Variants in ERBB4 observed in about 807,000 individuals in gnomAD.
ERBB4 encodes erb-b2 receptor tyrosine kinase 4, also known as receptor tyrosine-protein kinase erbB-4.
In ERBB4, 42 loss-of-function variants were observed where a neutral mutation model predicts 158.0. The ratio of observed to expected loss-of-function variants is 0.27; its 90% CI spans 0.21 to 0.34. The LOEUF (loss-of-function observed/expected upper bound fraction) is 0.34. Among genes scored for constraint, ERBB4 ranks in the 10% least tolerant of loss-of-function variants. The pLI, the probability that ERBB4 is intolerant of heterozygous loss-of-function variation, is 1.00. For synonymous variants in ERBB4, 583 were observed against 558.7 expected (o/e 1.04, Z -0.61); for missense variants, 1,333 against 1,624.1 (o/e 0.82, Z 3.08).
At chr2:211,524,931 C>T (rs1159788374) in intron 20 of ERBB4, among the ~76,000 whole-genome samples, 1 of 152,180 alleles carries the variant, frequency 6.6e-6, no homozygotes, top group Non-Finnish European at 1.5e-5. Flanking sequence ...CAGCACGCTG[C>T]CACCTCTGAA....
chr2:212,205,191 T>C (rs180829653), intron 1 of ERBB4, among the ~76,000 whole-genome samples: 4 of 152,104 alleles, frequency 2.6e-5, no homozygotes, highest in African/African-American at 4.8e-5. Flanking sequence ...GACAGAGTCC[T>C]GCTTTGCCAC....
At chr2:211,937,503 G>A (rs2080359062) in intron 3 of ERBB4, among the ~76,000 whole-genome samples, 2 of 152,122 alleles carry the variant, frequency 1.3e-5, no homozygotes, top group East Asian at 3.9e-4. Flanking sequence ...TCACATTGCT[G>A]CGAAGATACC....
intron 1 of ERBB4, among the ~76,000 whole-genome samples, chr2:212,525,585 T>C (rs915217545): frequency 2.0e-5 from 3 of 152,102 alleles, no homozygotes; most frequent in African/African-American, 7.2e-5. Flanking sequence ...TTCCCCAATA[T>C]AGATATTATT....
intron 1 of ERBB4, among the ~76,000 whole-genome samples, chr2:212,154,368 G>A (rs2080968976): frequency 6.6e-6 from 1 of 152,106 alleles, no homozygotes; most frequent in African/African-American, 2.4e-5. Context: ...GGAAGCTGGG[G>A]ATTTTATCTA....
intron 12 of ERBB4, among the ~76,000 whole-genome samples, chr2:211,694,047 T>C (rs754316151): frequency 2.6e-5 from 4 of 152,168 alleles, no homozygotes; most frequent in Non-Finnish European, 4.4e-5. Flanking sequence ...GTAAGTACAC[T>C]AGTCATTTGA....
intron 1 of ERBB4, among the ~76,000 whole-genome samples, chr2:212,274,416 T>C (rs1000258674): frequency 6.6e-6 from 1 of 151,804 alleles, no homozygotes; most frequent in Non-Finnish European, 1.5e-5. Context: ...ATCCACAATT[T>C]ATTGGGAGAT....
intron 1 of ERBB4, among the ~76,000 whole-genome samples, chr2:212,288,014 T>C (rs62182625): frequency 0.28 from 42,805 of 152,000 alleles, 7,548 homozygotes; most frequent in Non-Finnish European, 0.39. Context: ...TACAAAAGTT[T>C]ACCTGTGTAA....
At chr2:211,969,334 G>A (rs2081389588) in intron 2 of ERBB4, among the ~76,000 whole-genome samples, 1 of 151,914 alleles carries the variant, frequency 6.6e-6, no homozygotes, top group South Asian at 2.1e-4. Flanking sequence ...TCTCTTTGCT[G>A]AAAAAACGTT....
Position 212,113,122 on chromosome 2 carries a change from G to A in ERBB4, c.234+11630C>T, listed in dbSNP as rs552180263. ...AAGGGTGGGGATGAAAATACAGATCGAATTTGGGGGAGCATGTTAAGGTTA... is the reference window on the plus strand; with the variant it reads ...AAGGGTGGGGATGAAAATACAGATCAAATTTGGGGGAGCATGTTAAGGTTA... On this transcript the variant is annotated intron_variant, in intron 2 of 27. Coordinates refer to ENST00000342788, the MANE Select transcript of ERBB4 (RefSeq NM_005235.3). Among the ~76,000 whole-genome samples the A allele has an allele frequency of 1.1e-4, 17 of 152,176 alleles. No individual in the cohort carries two copies. In the South Asian group the frequency reaches 1.5e-3, roughly 13 times the overall value.
intron 2 of ERBB4, among the ~76,000 whole-genome samples, chr2:212,045,813 T>TA (rs757407912): frequency 9.9e-5 from 15 of 152,212 alleles, no homozygotes; most frequent in Non-Finnish European, 2.1e-4. Flanking sequence ...AATCAGCTCT[T>TA]AACTTCAAAA....
At chr2:211,633,538 A>G (rs958919570) in intron 16 of ERBB4, among the ~76,000 whole-genome samples, 3 of 126,328 alleles carry the variant, frequency 2.4e-5, no homozygotes, top group African/African-American at 8.4e-5. Context: ...TGACATTTAA[A>G]CAAGAACACA....
intron 20 of ERBB4, among the ~76,000 whole-genome samples, chr2:211,462,776 C>T (rs1339387800): frequency 1.3e-5 from 2 of 152,102 alleles, no homozygotes; most frequent in Non-Finnish European, 2.9e-5. Flanking sequence ...ATTGTCAGCT[C>T]TCTACATGTT....
intron 1 of ERBB4, among the ~76,000 whole-genome samples, chr2:212,191,377 A>T (rs1347514930): frequency 4.0e-5 from 6 of 150,530 alleles, no homozygotes; most frequent in South Asian, 2.1e-4. Flanking sequence ...TGTTACTTTT[A>T]AAAAAATGTA....
chr2:211,670,146 A>C (rs186366213), intron 14 of ERBB4, among the ~76,000 whole-genome samples: 47 of 152,310 alleles, frequency 3.1e-4, no homozygotes, highest in African/African-American at 1.1e-3. Flanking sequence ...GATATCTTAA[A>C]TGATAGATGA....
intron 1 of ERBB4, among the ~76,000 whole-genome samples, chr2:212,243,748 G>C (rs960745852): frequency 1.7e-4 from 26 of 151,966 alleles, no homozygotes; most frequent in African/African-American, 6.3e-4. Context: ...AATTACATAA[G>C]ATATCAAATG....
chr2:212,249,338 G>T (rs1300032398), intron 1 of ERBB4, among the ~76,000 whole-genome samples: 1 of 151,518 alleles, frequency 6.6e-6, no homozygotes, highest in East Asian at 1.9e-4. Flanking sequence ...TAATAATGGA[G>T]AATGGAATGA....
At chr2:212,372,735 C>T (rs368650940) in intron 1 of ERBB4, among the ~76,000 whole-genome samples, 16 of 152,210 alleles carry the variant, frequency 1.1e-4, no homozygotes, top group East Asian at 3.9e-4. Flanking sequence ...GGCGACAGAG[C>T]GAGACTCCGT....
chr2:212,492,679 G>A (rs1690345546), intron 1 of ERBB4, among the ~76,000 whole-genome samples: 1 of 151,352 alleles, frequency 6.6e-6, no homozygotes, highest in Non-Finnish European at 1.5e-5. Flanking sequence ...GGATAAAGGT[G>A]TCAGGTATGG....
At chr2:212,103,040 C>A (rs2371439) in intron 2 of ERBB4, among the ~76,000 whole-genome samples, 101,605 of 151,994 alleles carry the variant, frequency 0.67, 36,209 homozygotes, top group African/African-American at 0.89. Flanking sequence ...CTGTCCATCT[C>A]TCCATCAATC....
Sources: allele counts gnomAD v4.1 joint callset (sites outside exome capture counted in the v4.1 genomes callset), GRCh38; gene constraint gnomAD v4.1.1; transcripts MANE v1.5; gene names NCBI Gene and HGNC (gene_info 2026-07-23, HGNC 2026-07-21).